The following DEPTOR variants were observed in gnomAD, a reference collection of about 807,000 sequenced individuals.
DEPTOR encodes the protein DEP domain-containing mTOR-interacting protein.
Under a neutral mutation model 41.6 loss-of-function variants are expected in DEPTOR, and 41 were observed. The ratio of observed to expected loss-of-function variants is 0.98; its 90% CI spans 0.77 to 1.28. DEPTOR has a LOEUF of 1.28. Among genes scored for constraint, DEPTOR ranks in the 50% most tolerant of loss-of-function variants. DEPTOR has a pLI of 0.00. For synonymous variants in DEPTOR, 195 were observed against 192.3 expected, an observed-to-expected ratio of 1.01 and a Z score of -0.12; for missense variants, 514 against 527.9, an observed-to-expected ratio of 0.97 and a Z score of 0.26.
chr8:119,887,993 T>A (rs1452044761), intron 1 of DEPTOR, among the ~76,000 whole-genome samples: 4 of 152,142 alleles, frequency 2.6e-5, no homozygotes, highest in Non-Finnish European at 4.4e-5. Flanking sequence ...CTAATTTTTT[T>A]AATTTTTAGT....
chr8:119,888,459 A>G (rs1827402426), intron 1 of DEPTOR, among the ~76,000 whole-genome samples: 3 of 152,226 alleles, frequency 2.0e-5, no homozygotes, highest in Non-Finnish European at 4.4e-5. Context: ...AGTGGCATAA[A>G]GGGCTCTGTC....
chr8:119,929,542 A>G (rs751217216), intron 2 of DEPTOR, among the ~76,000 whole-genome samples: 6 of 152,156 alleles, frequency 3.9e-5, no homozygotes, highest in Non-Finnish European at 8.8e-5. Flanking sequence ...GATGAATTGA[A>G]TTGTGTGAAC....
intron 4 of DEPTOR, among the ~76,000 whole-genome samples, chr8:120,000,330 C>T (rs1452922810): frequency 1.3e-5 from 2 of 152,160 alleles, no homozygotes; most frequent in African/African-American, 2.4e-5. Flanking sequence ...CAGCCCCTGG[C>T]AACCACCAGT....
intron 1 of DEPTOR, among the ~76,000 whole-genome samples, chr8:119,915,429 A>G (rs1004310504): frequency 6.6e-6 from 1 of 152,160 alleles, no homozygotes; most frequent in East Asian, 1.9e-4. Flanking sequence ...AGTGAGTATA[A>G]TCTGGGTGTT....
rs1052399822 is a variant in DEPTOR, at chr8:119,994,760, A to G, written c.605-6765A>G. ...GTGAAACCCCATGTCTACTAAAAAT[A>G]CAAAAAATTAGCCGGGCATGGTGGT... is the stretch of plus-strand genomic sequence containing the variant. On this transcript the variant is annotated intron_variant, in intron 4 of 8. Transcript: ENST00000286234. Among the ~76,000 whole-genome samples the G allele has an allele frequency of 3.3e-5, 5 of 152,028 alleles. 1 individual carries two copies. Among genetic ancestry groups the G allele is most frequent in the Admixed American group, 2.6e-4 (4 of 15,234 alleles).
intron 4 of DEPTOR, among the ~76,000 whole-genome samples, chr8:119,966,982 G>A (rs992155526): frequency 6.6e-6 from 1 of 152,188 alleles, no homozygotes; most frequent in Non-Finnish European, 1.5e-5. Context: ...AACAAGGCCT[G>A]TCTGTATAGA....
intron 1 of DEPTOR, among the ~76,000 whole-genome samples, chr8:119,922,237 CA>C (rs34430128): frequency 0.019 from 2,451 of 125,772 alleles, 25 homozygotes; most frequent in Non-Finnish European, 0.028. Flanking sequence ...GAAACTGTCT[CA>C]AAAAAAAAAA....
intron 3 of DEPTOR, among the ~76,000 whole-genome samples, chr8:119,955,990 G>A (rs1028576092): frequency 6.6e-6 from 1 of 152,068 alleles, no homozygotes; most frequent in African/African-American, 2.4e-5. Flanking sequence ...CTGGAGAGAG[G>A]CTATTTTGAG....
At chr8:120,005,091 T>C (rs958966972) in intron 6 of DEPTOR, among the ~76,000 whole-genome samples, 2 of 152,152 alleles carry the variant, frequency 1.3e-5, no homozygotes, top group African/African-American at 4.8e-5. Flanking sequence ...AGAAGTGCAT[T>C]AAAATGAATG....
At chr8:119,980,741 C>G (rs1258812783) in intron 4 of DEPTOR, among the ~76,000 whole-genome samples, 1 of 152,052 alleles carries the variant, frequency 6.6e-6, no homozygotes, top group Non-Finnish European at 1.5e-5. Context: ...TGGTCTCGAA[C>G]TCCTGACCTC....
intron 8 of DEPTOR, among the ~76,000 whole-genome samples, chr8:120,048,108 G>GA (rs1813180619): frequency 6.6e-6 from 1 of 151,998 alleles, no homozygotes; most frequent in African/African-American, 2.4e-5. Context: ...GGGAGCCTGC[G>GA]AAGGGTCAGC....
At chr8:119,956,415 C>T (rs1828417157) in intron 3 of DEPTOR, among the ~76,000 whole-genome samples, 1 of 152,152 alleles carries the variant, frequency 6.6e-6, no homozygotes, top group Non-Finnish European at 1.5e-5. Flanking sequence ...AGTCCTAAAG[C>T]TCACACTGGC....
At chr8:120,035,070 C>T (rs1007196506) in intron 8 of DEPTOR, among the ~76,000 whole-genome samples, 21 of 152,058 alleles carry the variant, frequency 1.4e-4, no homozygotes, top group Non-Finnish European at 1.2e-4. Context: ...GGAATTCTAG[C>T]ACTTTGGGAG....
chr8:119,934,818 G>A (rs533538078), intron 3 of DEPTOR, among the ~76,000 whole-genome samples: 1 of 152,322 alleles, frequency 6.6e-6, no homozygotes, highest in East Asian at 1.9e-4. Flanking sequence ...CTTGGGGCAT[G>A]TGGCTTTCTC....
intron 8 of DEPTOR, among the ~76,000 whole-genome samples, chr8:120,026,412 G>A (rs946886810): frequency 4.1e-5 from 6 of 147,800 alleles, no homozygotes; most frequent in Non-Finnish European, 7.5e-5. Flanking sequence ...GTGTGATCTC[G>A]GCTTACTGCA....
intron 4 of DEPTOR, among the ~76,000 whole-genome samples, chr8:119,981,072 A>G (rs1160461844): frequency 6.6e-6 from 1 of 152,186 alleles, no homozygotes; most frequent in Non-Finnish European, 1.5e-5. Flanking sequence ...AGTAAATGGC[A>G]TGAGGAAAAT....
At chr8:120,038,221 AT>A (rs1381739631) in intron 8 of DEPTOR, among the ~76,000 whole-genome samples, 3 of 148,508 alleles carry the variant, frequency 2.0e-5, no homozygotes, top group Non-Finnish European at 4.4e-5. Context: ...GTGAGCTGAG[AT>A]TGTGCCACTG....
chr8:120,029,660 T>C (rs1359136980), intron 8 of DEPTOR, among the ~76,000 whole-genome samples: 2 of 152,188 alleles, frequency 1.3e-5, no homozygotes, highest in Non-Finnish European at 2.9e-5. Context: ...CCTCCCAAAG[T>C]GCTGGGATTA....
chr8:120,023,048 G>A (rs1343585189), intron 8 of DEPTOR, among the ~76,000 whole-genome samples: 2 of 152,138 alleles, frequency 1.3e-5, no homozygotes, highest in Non-Finnish European at 2.9e-5. Context: ...TCTGGAGAAT[G>A]GAAGTCTGAA....
Sources: gnomAD v4.1 joint callset for allele counts (sites outside exome capture counted in the v4.1 genomes callset) on GRCh38, gnomAD v4.1.1 for gene constraint, MANE v1.5 for transcripts, NCBI Gene and HGNC (gene_info 2026-07-23, HGNC 2026-07-21) for gene names.